TM2D1: variants seen among roughly 807,000 people sequenced by gnomAD.
TM2D1 encodes the protein TM2 domain-containing protein 1.
Under a neutral mutation model 28.4 loss-of-function variants are expected in TM2D1, and 15 were observed. The ratio of observed to expected loss-of-function variants is 0.53; its 90% CI spans 0.35 to 0.81. The LOEUF (loss-of-function observed/expected upper bound fraction) is 0.81, where lower values mean the gene tolerates loss of function less well. TM2D1 is among the 40% of genes least tolerant of loss of function. TM2D1 has a pLI of 0.01. For missense variants in TM2D1, 236 were observed against 254.9 expected (o/e 0.93, Z 0.50); for synonymous variants, 93 against 96.2 (o/e 0.97, Z 0.20).
intron 5 of TM2D1, among the ~76,000 whole-genome samples, chr1:61,689,169 CA>C (rs1050475552): frequency 2.0e-5 from 3 of 152,082 alleles, no homozygotes; most frequent in Non-Finnish European, 2.9e-5. Context: ...TTCTTTTGAT[CA>C]AAAAGGCATA....
At chr1:61,691,941 A>ATATATATATATATATG (rs1644330596) in intron 5 of TM2D1, among the ~76,000 whole-genome samples, 3 of 117,658 alleles carry the variant, frequency 2.5e-5, no homozygotes, top group Non-Finnish European at 3.7e-5. Context: ...AAATATATAT[A>ATATATATATATATATG]TATATATATA....
At chr1:61,684,957 AT>A (rs1003826182) in intron 5 of TM2D1, among the ~76,000 whole-genome samples, 1 of 151,976 alleles carries the variant, frequency 6.6e-6, no homozygotes, top group East Asian at 1.9e-4. Flanking sequence ...TTGTTTTTGT[AT>A]TTTTTTGTAG....
intron 2 of TM2D1, among the ~76,000 whole-genome samples, chr1:61,713,864 C>CT (rs1413987101): frequency 5.4e-5 from 8 of 148,000 alleles, no homozygotes; most frequent in Admixed American, 1.4e-4. Context: ...CTGTACAAAA[C>CT]TTTTAAAAAC....
At chr1:61,709,492 T>G in intron 2 of TM2D1, 55 bp from the exon 3 acceptor site, 1 of 1,266,200 alleles carries the variant, frequency 7.9e-7, no homozygotes, top group Non-Finnish European at 1.1e-6. Flanking sequence ...AGAAACAGTA[T>G]GTAATTGTTC....
At chr1:61,700,710 T>A (rs546896317) in intron 4 of TM2D1, among the ~76,000 whole-genome samples, 1 of 152,204 alleles carries the variant, frequency 6.6e-6, no homozygotes, top group Non-Finnish European at 1.5e-5. Flanking sequence ...CACTATCTTG[T>A]GTGTGTTTTC....
At chr1:61,691,093 C>A (rs1017757103) in intron 5 of TM2D1, among the ~76,000 whole-genome samples, 4 of 152,178 alleles carry the variant, frequency 2.6e-5, no homozygotes, top group Admixed American at 2.6e-4. Flanking sequence ...TCCATTTTCC[C>A]TCCACATATC....
chr1:61,691,171 G>T (rs983250021), intron 5 of TM2D1, among the ~76,000 whole-genome samples: 4 of 151,636 alleles, frequency 2.6e-5, no homozygotes, highest in Non-Finnish European at 5.9e-5. Context: ...TTTTTATTTT[G>T]CAGAATATAC....
intron 5 of TM2D1, among the ~76,000 whole-genome samples, chr1:61,692,461 G>A: frequency 7.1e-6 from 1 of 141,444 alleles, no homozygotes; most frequent in Non-Finnish European, 1.5e-5. Context: ...ATGGAAAGAA[G>A]GAAGGAAGGA....
chr1:61,682,759 G>A (rs1412263455), intron 6 of TM2D1, among the ~76,000 whole-genome samples: 1 of 152,042 alleles, frequency 6.6e-6, no homozygotes, highest in Non-Finnish European at 1.5e-5. Context: ...CGGGCATGGT[G>A]GTGTGTGCCT....
chr1:61,723,720 T>C lies in TM2D1; in HGVS notation c.231A>G (p.Thr77=), dbSNP rs748607933. ...TGTTTCTTGAAGTCTTACCATGAGC[T>C]GTGTAGTTTGTACAGTTAACTGGTT... ...TQEPVNCTNY[T]AHVSCFPAPN... Residue 77 remains threonine, a synonymous_variant, in exon 2 of 7, where the codon ACA becomes ACG. Coordinates refer to ENST00000606498, the MANE Select transcript of TM2D1 (RefSeq NM_032027.3). 6.5e-7 allele frequency: 1 copy of C among 1,534,156 alleles called. No homozygotes were observed. The highest frequency in any genetic ancestry group is 8.9e-7 in the Non-Finnish European group (1 of 1,128,416).
chr1:61,717,001 A>G (rs957641803), intron 2 of TM2D1, among the ~76,000 whole-genome samples: 22 of 152,168 alleles, frequency 1.4e-4, no homozygotes, highest in Admixed American at 1.4e-3. Flanking sequence ...ATCCCATGCT[A>G]ACACTGATTT....
intron 4 of TM2D1, chr1:61,696,066 T>G (rs889535130): frequency 5.3e-5 from 8 of 152,226 alleles, no homozygotes; most frequent in African/African-American, 1.9e-4. Context: ...ATCCATTACC[T>G]TAATAAAAAC....
In TM2D1 at chr1:61,681,221, T is replaced by C. The variant is rs1206417907; in HGVS notation, c.*149A>G. Reference sequence around the variant, plus strand: ...CTATTAAATAAATCTCACAATAATATACTTTAACTCAACAAAACAAAAACC... The same window carrying C: ...CTATTAAATAAATCTCACAATAATACACTTTAACTCAACAAAACAAAAACC... On this transcript the variant is annotated 3_prime_UTR_variant, in exon 7 of 7. Transcript: ENST00000606498. The C allele has an allele frequency of 1.3e-5, 2 of 152,686 alleles. No individual in the cohort carries two copies. The highest frequency in any genetic ancestry group is 3.9e-4 in the East Asian group (2 of 5,194). The allele number at this position is 152,686 out of a possible 1,614,324, so 9.5% of individuals were successfully genotyped here. A position where few individuals can be genotyped will look rare whatever the true frequency, so the allele number is the denominator to read the frequency against.
intron 5 of TM2D1, among the ~76,000 whole-genome samples, chr1:61,685,712 T>G (rs1240884225): frequency 6.6e-6 from 1 of 152,240 alleles, no homozygotes. Context: ...TGATTTGGCT[T>G]GACACTTATT....
At chr1:61,699,946 C>A in intron 4 of TM2D1, 1 of 448,900 alleles carries the variant, frequency 2.2e-6, no homozygotes, top group South Asian at 7.3e-5. Flanking sequence ...ACAGTGAAGA[C>A]TTCTCTTTCA....
chr1:61,703,320 T>C (rs1408374696), intron 3 of TM2D1, among the ~76,000 whole-genome samples: 1 of 147,468 alleles, frequency 6.8e-6, no homozygotes, highest in Non-Finnish European at 1.5e-5. Context: ...AATATTATTA[T>C]ATTTAATATA....
intron 5 of TM2D1, among the ~76,000 whole-genome samples, chr1:61,685,266 G>A (rs1044733604): frequency 3.9e-5 from 6 of 152,082 alleles, no homozygotes; most frequent in East Asian, 1.9e-4. Context: ...AAAATCCTAC[G>A]ATATTTATAT....
chr1:61,683,008 C>CTG (rs929292566), intron 6 of TM2D1, among the ~76,000 whole-genome samples: 1 of 152,064 alleles, frequency 6.6e-6, no homozygotes, highest in Non-Finnish European at 1.5e-5. Flanking sequence ...GCTTTGGACT[C>CTG]TTTCAGTATC....
intron 2 of TM2D1, among the ~76,000 whole-genome samples, chr1:61,716,517 G>A (rs905593400): frequency 5.6e-5 from 8 of 142,708 alleles, no homozygotes; most frequent in African/African-American, 1.8e-4. Flanking sequence ...TTTTATATAT[G>A]TATATAATTA....
Sources: gnomAD v4.1 joint callset for allele counts (sites outside exome capture counted in the v4.1 genomes callset) on GRCh38, gnomAD v4.1.1 for gene constraint, MANE v1.5 for transcripts, NCBI Gene and HGNC (gene_info 2026-07-23, HGNC 2026-07-21) for gene names.